Variants in LIPJ observed in about 807,000 individuals in gnomAD.
LIPJ encodes the protein lipase member J.
In LIPJ, 33 loss-of-function variants were observed where a neutral mutation model predicts 39.8. The observed-to-expected ratio is 0.83, with a 90% CI of 0.63 to 1.11. The LOEUF (loss-of-function observed/expected upper bound fraction) is 1.11. Among genes scored for constraint, LIPJ ranks in the 50% least tolerant of loss-of-function variants. LIPJ has a pLI of 0.00. For synonymous variants in LIPJ, 128 were observed against 139.2 expected (o/e 0.92, Z 0.57); for missense variants, 422 against 427.9 (o/e 0.99, Z 0.12).
intron 9 of LIPJ, among the ~76,000 whole-genome samples, chr10:88,603,024 G>A (rs1851547564): frequency 1.3e-5 from 2 of 152,128 alleles, no homozygotes; most frequent in Non-Finnish European, 1.5e-5. Flanking sequence ...CCCGGGAGGT[G>A]GAGGTTGCAA....
chr10:88,613,146 G>T, the LIPJ span, among the ~76,000 whole-genome samples: 1 of 152,278 alleles, frequency 6.6e-6, no homozygotes, highest in Non-Finnish European at 1.5e-5. Flanking sequence ...AGAGGATTTA[G>T]CTGGTATAGA....
At chr10:88,614,900 C>T in the LIPJ span, among the ~76,000 whole-genome samples, 2 of 152,062 alleles carry the variant, frequency 1.3e-5, no homozygotes, top group East Asian at 1.9e-4. Flanking sequence ...CATGTATGGT[C>T]ATCTGATTTG....
chr10:88,601,737 G>C (rs1040855801), intron 8 of LIPJ, among the ~76,000 whole-genome samples: 1 of 152,062 alleles, frequency 6.6e-6, no homozygotes, highest in African/African-American at 2.4e-5. Context: ...TATTTGTGAG[G>C]CTTCTTAAAA....
At chr10:88,605,575 G>T in intron 9 of LIPJ, 58 bp from the exon 10 acceptor site, 1 of 1,193,342 alleles carries the variant, frequency 8.4e-7, no homozygotes, top group Non-Finnish European at 1.2e-6. Context: ...TGCTTAACTT[G>T]CTCAGCTGCC....
At chr10:88,605,496 G>A in intron 9 of LIPJ, 137 bp from the exon 10 acceptor site, 1 of 671,778 alleles carries the variant, frequency 1.5e-6, no homozygotes, top group Non-Finnish European at 2.7e-6. Flanking sequence ...CAAAGGAAAA[G>A]AAGAACGAAG....
chr10:88,594,635 G>A, intron 5 of LIPJ, 32 bp from the exon 6 acceptor site: 1 of 1,075,452 alleles, frequency 9.3e-7, no homozygotes, highest in South Asian at 1.7e-5. Context: ...TTAGTAGAAA[G>A]TGCTATTTTT....
At chr10:88,607,529 G>C (rs543956662), downstream of LIPJ, among the ~76,000 whole-genome samples, 35 of 152,260 alleles carry the variant, frequency 2.3e-4, 1 homozygote, top group South Asian at 6.8e-3. Context: ...GAGCAGCAAT[G>C]GTTGAGTTAT....
At chr10:88,610,503 C>G (rs925441905), downstream of LIPJ, among the ~76,000 whole-genome samples, 5 of 152,108 alleles carry the variant, frequency 3.3e-5, no homozygotes, top group African/African-American at 1.2e-4. Context: ...CATAGCAATT[C>G]TAATCAAAAT....
intron 2 of LIPJ, among the ~76,000 whole-genome samples, 189 bp downstream of exon 2, chr10:88,587,581 G>C (rs944831246): frequency 3.9e-5 from 6 of 152,046 alleles, no homozygotes; most frequent in African/African-American, 1.4e-4. Flanking sequence ...TTTGCTAAAT[G>C]GGTGATAGCT....
At chr10:88,593,633 T>A in intron 4 of LIPJ, 1 of 186,088 alleles carries the variant, frequency 5.4e-6, no homozygotes, top group Non-Finnish European at 1.1e-5. Flanking sequence ...TGATTTAAAA[T>A]GTGTTACTTA....
chr10:88,597,729 G>A (rs1851308448), intron 8 of LIPJ, among the ~76,000 whole-genome samples: 2 of 152,034 alleles, frequency 1.3e-5, no homozygotes, highest in African/African-American at 2.4e-5. Context: ...AAGAAACTCA[G>A]TTCTCGTCTT....
Position 88,596,899 on chromosome 10 carries a change from TTATGATGTTTGGA to T in LIPJ, c.692_704del (p.Met231ThrfsTer5). On this transcript the variant is annotated frameshift_variant, in exon 8 of 11. Coordinates refer to ENST00000371939, the Ensembl canonical transcript of LIPJ. LOFTEE classifies it high-confidence loss of function. ...GATAAGATTTGCCTCAATATCTTGT[TTATGATGTTTGGA>T]TATGACCCAAAAAACTTAAATATGG... 6.3e-7 allele frequency: 1 copy of T among 1,580,252 alleles called. No individual in the cohort carries two copies. Among genetic ancestry groups the T allele is most frequent in the East Asian group, 2.2e-5 (1 of 44,554 alleles).
At chr10:88,622,459 GT>G in the LIPJ span, among the ~76,000 whole-genome samples, 1 of 152,186 alleles carries the variant, frequency 6.6e-6, no homozygotes, top group African/African-American at 2.4e-5. Context: ...CTGCATCTCA[GT>G]TATCTGGAGA....
At chr10:88,584,396 G>A (rs1246388213), upstream of LIPJ, 1 of 152,018 alleles carries the variant, frequency 6.6e-6, no homozygotes, top group East Asian at 1.9e-4. Flanking sequence ...ATTTCTGAAA[G>A]GTGTATGAAA....
rs1412231670 is a variant in LIPJ at position 88,594,654 on chromosome 10, C to T, written c.330-13C>T. 5 of 1,353,326 alleles carry T rather than the reference C, an allele frequency of 3.7e-6. No homozygotes were observed. The highest frequency in any genetic ancestry group is 2.3e-5 in the Admixed American group (1 of 43,368). The allele number at this position is 1,353,326 out of a possible 1,614,324, so 83.8% of individuals were successfully genotyped here. A position where few individuals can be genotyped will look rare whatever the true frequency, so the allele number is the denominator to read the frequency against. On this transcript the variant is annotated splice_polypyrimidine_tract_variant and intron_variant, in intron 5 of 10. Transcript: ENST00000371939. ...TAGAAAGTGCTATTTTTATTTTCCT[C>T]TTTCTTTTGTAGTTTTGATGAGATG...
Position 88,594,145 on chromosome 10 carries a change from G to C in LIPJ, c.329+1G>C. The C allele has an allele frequency of 6.2e-7, 1 of 1,602,176 alleles. No homozygotes were observed. Among genetic ancestry groups the C allele is most frequent in the South Asian group, 1.1e-5 (1 of 89,322 alleles). ...GTTCCAAAGAATTCTGGGCTTTCAG[G>C]TACAAATAAAATGAAGTAACATTTC... On this transcript the variant is annotated splice_donor_variant, in intron 5 of 10. Coordinates refer to ENST00000371939, the Ensembl canonical transcript of LIPJ. LOFTEE classifies it high-confidence loss of function.
upstream of LIPJ, chr10:88,582,949 G>A: frequency 8.8e-7 from 1 of 1,135,994 alleles, no homozygotes; most frequent in Non-Finnish European, 1.2e-6. Context: ...CGCGCTACAC[G>A]GCCGCTCAGG....
chr10:88,606,862 T>C, exon 11 of LIPJ: 2 of 1,596,808 alleles, frequency 1.3e-6, no homozygotes, highest in Non-Finnish European at 1.7e-6. Flanking sequence ...ATGTCTATGA[T>C]CAAGTTTACC....
chr10:88,622,387 A>G, the LIPJ span, among the ~76,000 whole-genome samples: 680 of 152,280 alleles, frequency 4.5e-3, 7 homozygotes, highest in African/African-American at 0.016. Flanking sequence ...AACCCCACCT[A>G]AAGTACTGAC....
Sources: allele counts gnomAD v4.1 joint callset (sites outside exome capture counted in the v4.1 genomes callset), GRCh38; gene constraint gnomAD v4.1.1; transcripts MANE v1.5; gene names NCBI Gene and HGNC (gene_info 2026-07-23, HGNC 2026-07-21).